Variants in CD22 observed in about 807,000 individuals in gnomAD.
CD22 encodes the protein CD22 molecule.
CD22 carries 51 observed loss-of-function variants against 94.7 expected under a neutral mutation model. That is an observed-to-expected ratio of 0.54 (90% CI 0.43 to 0.68). The LOEUF is 0.68. CD22 is among the 30% of genes least tolerant of loss of function. The probability of loss-of-function intolerance (pLI) is 0.00; values close to 1 mark genes in which losing one functional copy is unlikely to be tolerated. For missense variants in CD22, 931 were observed against 1,060.4 expected, an observed-to-expected ratio of 0.88 and a Z score of 1.69; for synonymous variants, 424 against 422.5, an observed-to-expected ratio of 1.00 and a Z score of -0.04.
In CD22 at chr19:35,340,868, G is replaced by C; in HGVS notation, c.1250-13G>C. On this transcript the variant is annotated splice_polypyrimidine_tract_variant and intron_variant, in intron 6 of 13. Coordinates refer to ENST00000085219, the MANE Select transcript of CD22 (RefSeq NM_001771.4). ...CTGGCTTTTCTTTACTCACCTCTCT[G>C]GTTTTCTTCCAGATCCTCCCAAGAA... The C allele has an allele frequency of 6.2e-7, 1 of 1,613,938 alleles. No homozygotes were observed. The highest frequency in any genetic ancestry group is 2.2e-5 in the East Asian group (1 of 44,870).
intron 3 of CD22, among the ~76,000 whole-genome samples, chr19:35,334,308 G>A (rs113879024): frequency 0.029 from 4,419 of 152,208 alleles, 95 homozygotes; most frequent in Non-Finnish European, 0.047. Flanking sequence ...CAGGATGTAA[G>A]TTAAACAATT....
chr19:35,340,810 G>A (rs1211362134), intron 6 of CD22, 71 bp from the exon 7 acceptor site: 1 of 1,565,566 alleles, frequency 6.4e-7, no homozygotes, highest in Non-Finnish European at 8.8e-7. Context: ...AGCGGGAGAA[G>A]AGGAAGCAGG....
intron 6 of CD22, among the ~76,000 whole-genome samples, chr19:35,340,225 T>C (rs930633097): frequency 2.0e-5 from 3 of 152,142 alleles, no homozygotes; most frequent in Non-Finnish European, 4.4e-5. Flanking sequence ...TCTCATTTCC[T>C]TCTTGAAACA....
chr19:35,334,643 C>T (rs559007946), intron 3 of CD22, among the ~76,000 whole-genome samples: 16 of 152,234 alleles, frequency 1.1e-4, no homozygotes, highest in Non-Finnish European at 2.1e-4. Context: ...TTGGGGAGAG[C>T]TGAGGCTGGG....
Position 35,337,138 on chromosome 19 carries a change from C to T in CD22, c.719-617C>T, listed in dbSNP as rs1225349843. 2.6e-5 allele frequency among the ~76,000 whole-genome samples: 4 copies of T among 151,984 alleles called. No individual in the cohort carries two copies. The highest frequency in any genetic ancestry group is 5.9e-5 in the Non-Finnish European group (4 of 68,012). ...CCTGTAGTCCCAGCTACTTGGGAGG[C>T]CAAGGCAGGAGAATGACATGAACCC... On this transcript the variant is annotated intron_variant, in intron 4 of 13. Transcript: ENST00000085219. This position sits in a 1 kb window ranked among gnomAD's most constrained non-coding sequence, Gnocchi z 4.4.
rs757060882 is a variant in CD22, at chr19:35,341,356, C to T, written c.1521C>T (p.Asp507=). 18 of 1,613,510 alleles carry T rather than the reference C, an allele frequency of 1.1e-5. No homozygotes were observed. The East Asian group carries it at 2.2e-4, about 20-fold the overall frequency. ...VALNVQYAPR[D]VRVRKIKPLS... is the part of the protein sequence containing the mutation. ...CTTGCCCTCCAGATGCCCCCCGAGA[C>T]GTGAGGGTCCGGAAAATCAAGCCCC... Residue 507 remains aspartate, a synonymous_variant, in exon 8 of 14, where the codon GAC becomes GAT. Transcript: ENST00000085219. The surrounding 1 kb of genome is among the most constrained non-coding windows in gnomAD (Gnocchi z 4.0).
At chr19:35,339,044 G>T (rs1568487780) in intron 6 of CD22, among the ~76,000 whole-genome samples, 1 of 151,954 alleles carries the variant, frequency 6.6e-6, no homozygotes, top group South Asian at 2.1e-4. Context: ...AAACCAGCCT[G>T]GGCCACACAG....
At chr19:35,344,724 A>C (rs2066874406) in intron 9 of CD22, 105 bp from the exon 10 acceptor site, 2 of 798,614 alleles carry the variant, frequency 2.5e-6, no homozygotes, top group South Asian at 3.3e-5. Context: ...GCAGGGGAGA[A>C]GGACGAGTCT....
rs2066744072 is a variant in CD22, at chr19:35,337,640, C to A, written c.719-115C>A. 1.1e-6 allele frequency: 1 copy of A among 909,852 alleles called. No homozygotes were observed. Among genetic ancestry groups the A allele is most frequent in the Non-Finnish European group, 1.6e-6 (1 of 612,534 alleles). The allele number at this position is 909,852 out of a possible 1,614,324, so 56.4% of individuals were successfully genotyped here. ...AGCCGAGTTAGGAGGCTGTGACCAT[C>A]ACCTGGGTGAAGGGACTGGCAGGCC... On this transcript the variant is annotated intron_variant, in intron 4 of 13. Coordinates refer to ENST00000085219, the MANE Select transcript of CD22 (RefSeq NM_001771.4). This position sits in a 1 kb window ranked among gnomAD's most constrained non-coding sequence, Gnocchi z 4.4.
At position 35,337,618 on chromosome 19, in the gene CD22, C is replaced by T. The variant is rs2066743729; in HGVS notation, c.719-137C>T. The stretch of plus-strand genomic sequence containing the variant: ...GAAGTGGGAGGGGGAAGCTGAGAGC[C>T]GAGTTAGGAGGCTGTGACCATCACC... On this transcript the variant is annotated intron_variant, in intron 4 of 13. Coordinates refer to ENST00000085219, the MANE Select transcript of CD22 (RefSeq NM_001771.4). The surrounding 1 kb of genome is among the most constrained non-coding windows in gnomAD (Gnocchi z 4.4). 8.2e-6 allele frequency: 6 copies of T among 729,652 alleles called. No homozygotes were observed. Among genetic ancestry groups the T allele is most frequent in the Admixed American group, 3.0e-5 (1 of 33,688 alleles). 45.2% of individuals were successfully genotyped at this position (729,652 alleles called of 1,614,324 possible).
At chr19:35,340,633 C>T (rs894815598) in intron 6 of CD22, among the ~76,000 whole-genome samples, 1 of 152,198 alleles carries the variant, frequency 6.6e-6, no homozygotes, top group Non-Finnish European at 1.5e-5. Context: ...CATGCCCGTG[C>T]GCCTCTCAGC....
chr19:35,331,945 G>A, intron 1 of CD22, 74 bp from the exon 2 acceptor site: 1 of 1,610,216 alleles, frequency 6.2e-7, no homozygotes. Context: ...TCGGAGCTCA[G>A]TGGGTGAGCA....
chr19:35,344,976 G>T (rs374090417), intron 10 of CD22, 51 bp downstream of exon 10: 1 of 1,594,246 alleles, frequency 6.3e-7, no homozygotes, highest in East Asian at 2.2e-5. Context: ...GCAGAGGCCC[G>T]TGTCCAGTTG....
chr19:35,329,846 A>G (rs1486174732), intron 1 of CD22: 1 of 154,512 alleles, frequency 6.5e-6, no homozygotes, highest in Non-Finnish European at 1.4e-5. Context: ...CCCCTTAGGT[A>G]ACCTTAAGGG....
chr19:35,344,934 C>T lies in CD22; in HGVS notation c.2132+9C>T. On this transcript the variant is annotated intron_variant, in intron 10 of 13. Transcript: ENST00000085219. ...CTCAAGCTCCAGCGACGGTGAGCTC[C>T]TGCCATCCCCCACCACCTCCTCTAT... 6.2e-7 allele frequency: 1 copy of T among 1,610,846 alleles called. No homozygotes were observed. The highest frequency in any genetic ancestry group is 2.2e-5 in the East Asian group (1 of 44,854).
At chr19:35,343,040 C>A (rs866743084) in intron 9 of CD22, among the ~76,000 whole-genome samples, 1 of 151,990 alleles carries the variant, frequency 6.6e-6, no homozygotes, top group South Asian at 2.1e-4. Flanking sequence ...CCTCGTGATC[C>A]GCTCGCCTCG....
chr19:35,338,000 G>A lies in CD22; in HGVS notation c.964G>A (p.Glu322Lys), dbSNP rs182604067. 552 of 1,612,702 alleles carry A rather than the reference G, an allele frequency of 3.4e-4. 5 individuals are homozygous for A. In the East Asian group the frequency reaches 0.011, roughly 31 times the overall value. Residue 322 changes from glutamate (E) to lysine (K), a missense_variant, in exon 5 of 14, where the codon GAA becomes AAA. Transcript: ENST00000085219. The surrounding 1 kb of genome is among the most constrained non-coding windows in gnomAD (Gnocchi z 4.4). ...SNDVGPGRSE[E>K]VFLQVQYAPE... Reference sequence around the variant, plus strand: ...TGACGTGGGCCCGGGAAGGTCGGAAGAAGTGTTCCTGCAAGTGCAGTGTGA... The same window carrying A: ...TGACGTGGGCCCGGGAAGGTCGGAAAAAGTGTTCCTGCAAGTGCAGTGTGA...
chr19:35,339,609 A>G (rs1599683040), intron 6 of CD22, among the ~76,000 whole-genome samples: 2 of 152,142 alleles, frequency 1.3e-5, no homozygotes, highest in African/African-American at 2.4e-5. Context: ...TAATCCCAGC[A>G]CTTTGGGAGG....
At position 35,342,955 on chromosome 19, in the gene CD22, C is replaced by T. The variant is rs551642256; in HGVS notation, c.2035+990C>T. ...CTCCCCGAGTAGCTGGGACTACAGG[C>T]GCCTGCCACCATGCCCGGCTAATTT... On this transcript the variant is annotated intron_variant, in intron 9 of 13. Coordinates refer to ENST00000085219, the MANE Select transcript of CD22 (RefSeq NM_001771.4). Among the ~76,000 whole-genome samples, 23 of 152,246 alleles carry T rather than the reference C, an allele frequency of 1.5e-4. No individual in the cohort carries two copies. In the East Asian group the frequency reaches 1.7e-3, roughly 12 times the overall value.
Sources: gnomAD v4.1 joint callset for allele counts (sites outside exome capture counted in the v4.1 genomes callset) on GRCh38, gnomAD v4.1.1 for gene constraint, Gnocchi (gnomAD v3.1) non-coding constraint, MANE v1.5 for transcripts, NCBI Gene and HGNC (gene_info 2026-07-23, HGNC 2026-07-21) for gene names.